The following EP300 variants were observed in gnomAD, a reference collection of about 807,000 sequenced individuals.
EP300 encodes EP300 lysine acetyltransferase, also known as histone acetyltransferase p300.
Under a neutral mutation model 264.0 loss-of-function variants are expected in EP300, and 31 were observed. The observed-to-expected ratio is 0.12, with a 90% CI of 0.09 to 0.16. EP300 has a LOEUF of 0.16. EP300 is among the 10% of genes least tolerant of loss of function. The pLI, the probability that EP300 is intolerant of heterozygous loss-of-function variation, is 1.00. For synonymous variants in EP300, 1,340 were observed against 1,045.4 expected (o/e 1.28, Z -5.44); for missense variants, 2,766 against 3,052.9 (o/e 0.91, Z 2.21).
chr22:41,157,965 G>T (rs1474299945), intron 18 of EP300, among the ~76,000 whole-genome samples: 1 of 152,270 alleles, frequency 6.6e-6, no homozygotes. Flanking sequence ...CTCATCTGGA[G>T]TAGGGGCATT....
intron 19 of EP300, 115 bp from the exon 20 acceptor site, chr22:41,160,527 G>C (rs1328458520): frequency 2.3e-6 from 2 of 857,852 alleles, no homozygotes; most frequent in Admixed American, 3.8e-5. Context: ...TTGATGACCT[G>C]CTCTCTGCTC....
intron 27 of EP300, 93 bp downstream of exon 27, chr22:41,170,664 T>G (rs2059164541): frequency 7.6e-7 from 1 of 1,323,118 alleles, no homozygotes; most frequent in African/African-American, 1.6e-5. Flanking sequence ...TTTTTTTTTT[T>G]TTTTTTTTTT....
At chr22:41,140,002 T>G (rs1340511652) in intron 8 of EP300, 138 bp from the exon 9 acceptor site, 8 of 684,234 alleles carry the variant, frequency 1.2e-5, no homozygotes, top group Middle Eastern at 2.6e-4. Context: ...CACAAAAAGA[T>G]AATTTCATTT....
At chr22:41,169,355 C>T (rs1380383717) in intron 25 of EP300, 148 bp from the exon 26 acceptor site, 25 of 670,504 alleles carry the variant, frequency 3.7e-5, no homozygotes, top group South Asian at 2.8e-4. Context: ...ACGGCGGAGT[C>T]GCCTACCTGC....
chr22:41,152,246 A>G lies in EP300; in HGVS notation c.3038A>G (p.Glu1013Gly), dbSNP rs1234168115. The G allele has an allele frequency of 1.4e-5, 23 of 1,614,054 alleles. No individual in the cohort carries two copies. Among genetic ancestry groups the G allele is most frequent in the Non-Finnish European group, 1.9e-5 (23 of 1,180,036 alleles). ...EDCKMESTETEERSTELKTEI... is the reference protein window; with the variant it reads ...EDCKMESTETGERSTELKTEI... ...TGTAAAATGGAATCTACCGAAACAGAAGAGAGAAGCACTGAGTTAAAAACT... is the reference window on the plus strand; with the variant it reads ...TGTAAAATGGAATCTACCGAAACAGGAGAGAGAAGCACTGAGTTAAAAACT... The change falls in exon 16 of 31, where the codon GAA (glutamate) becomes GGA (glycine). Residue 1013 changes from glutamate to glycine, a missense_variant. Coordinates refer to ENST00000263253, the MANE Select transcript of EP300 (RefSeq NM_001429.4).
chr22:41,096,366 C>T (rs141396694), intron 1 of EP300, among the ~76,000 whole-genome samples: 12 of 152,076 alleles, frequency 7.9e-5, no homozygotes, highest in African/African-American at 1.2e-4. Context: ...CGCTTAATGC[C>T]GTATGCACTT....
rs2145513402 is a variant in EP300, at chr22:41,176,433, G to C, written c.4966G>C (p.Val1656Leu). The C allele has an allele frequency of 6.2e-7, 1 of 1,614,222 alleles. No individual in the cohort carries two copies. The highest frequency in any genetic ancestry group is 1.1e-5 in the South Asian group (1 of 91,088). ...CCAGTGGTCCACCATGTGCATGCTG[G>C]TGGAGCTGCACACGCAGAGCCAGGA... is the stretch of plus-strand genomic sequence containing the variant. ...RAQWSTMCML[V>L]ELHTQSQDRF... is the part of the protein sequence containing the mutation. The change falls in exon 30 of 31, where the codon GTG becomes CTG. Residue 1656 changes from valine to leucine, a missense_variant. Physicochemically the swap from Val to Leu is conservative, Grantham distance 32. Coordinates refer to ENST00000263253, the MANE Select transcript of EP300 (RefSeq NM_001429.4).
chr22:41,147,758 A>T, intron 11 of EP300, 79 bp from the exon 12 acceptor site: 2 of 1,056,272 alleles, frequency 1.9e-6, no homozygotes, highest in South Asian at 1.3e-5. Context: ...AAAGATACAG[A>T]ATCAGACATA....
At chr22:41,175,342 G>T (rs2059194158) in intron 29 of EP300, among the ~76,000 whole-genome samples, 1 of 152,176 alleles carries the variant, frequency 6.6e-6, no homozygotes, top group East Asian at 1.9e-4. Context: ...TTTCTCACAA[G>T]TTCCTAATTT....
In EP300 at chr22:41,103,270, G is replaced by A. The variant is rs191324055; in HGVS notation, c.94+10172G>A. 6.6e-5 allele frequency among the ~76,000 whole-genome samples: 10 copies of A among 152,298 alleles called. No homozygotes were observed. The East Asian group carries it at 1.9e-3, about 29-fold the overall frequency. The stretch of plus-strand genomic sequence containing the variant: ...ATTTTGAAGTTGGTGGTTCTTCTGA[G>A]TTGAGCAGTCAGTCACTCTTCATTT... On this transcript the variant is annotated intron_variant, in intron 1 of 30. Coordinates refer to ENST00000263253, the MANE Select transcript of EP300 (RefSeq NM_001429.4).
chr22:41,179,094 G>GT lies in EP300; in HGVS notation c.*141dup, dbSNP rs977822118. On this transcript the variant is annotated 3_prime_UTR_variant, in exon 31 of 31. Coordinates refer to ENST00000263253, the MANE Select transcript of EP300 (RefSeq NM_001429.4). ...AACACATAAGAACTGTGCAGTAGCC[G>GT]TTTGTGGTTTAAAGCAAACATGCAA... is the stretch of plus-strand genomic sequence containing the variant. 20 of 963,334 alleles carry GT rather than the reference G, an allele frequency of 2.1e-5. No homozygotes were observed. The Admixed American group carries it at 3.3e-4, about 16-fold the overall frequency. The allele number at this position is 963,334 out of a possible 1,614,324, so 59.7% of individuals were successfully genotyped here. A position where few individuals can be genotyped will look rare whatever the true frequency, so the allele number is the denominator to read the frequency against.
chr22:41,118,363 A>G (rs1192230802), intron 2 of EP300, among the ~76,000 whole-genome samples: 1 of 152,238 alleles, frequency 6.6e-6, no homozygotes, highest in East Asian at 1.9e-4. Context: ...TAACTAGAGA[A>G]TGCTAAGTAT....
In EP300 at chr22:41,179,197, G is replaced by T. The variant is rs566086251; in HGVS notation, c.*241G>T. 1 of 553,916 alleles carries T rather than the reference G, an allele frequency of 1.8e-6. No individual in the cohort carries two copies. The highest frequency in any genetic ancestry group is 2.1e-5 in the South Asian group (1 of 47,436). The allele number at this position is 553,916 out of a possible 1,614,324, so 34.3% of individuals were successfully genotyped here. A position where few individuals can be genotyped will look rare whatever the true frequency, so the allele number is the denominator to read the frequency against. On this transcript the variant is annotated 3_prime_UTR_variant, in exon 31 of 31. Transcript: ENST00000263253. ...TTACCACCAGCCTTTCTTCCCCTTT[G>T]TGTGTGTGGTTCAAGTGTGCACTGG... is the stretch of plus-strand genomic sequence containing the variant.
At position 41,117,219 on chromosome 22, in the gene EP300, T is replaced by C; in HGVS notation, c.127T>C (p.Leu43=). The C allele has an allele frequency of 6.2e-7, 1 of 1,614,232 alleles. No homozygotes were observed. The highest frequency in any genetic ancestry group is 8.5e-7 in the Non-Finnish European group (1 of 1,180,042). Residue 43 remains leucine (L), a synonymous_variant, in exon 2 of 31, where the codon TTA becomes CTA. Coordinates refer to ENST00000263253, the MANE Select transcript of EP300 (RefSeq NM_001429.4). ...CTCTCTATTTGACTTGGAGCACGAC[T>C]TACCAGATGAATTAATCAACTCTAC... The part of the protein sequence containing the change: ...FGSLFDLEHD[L]PDELINSTEL...
intron 1 of EP300, among the ~76,000 whole-genome samples, chr22:41,114,832 A>G (rs2058812395): frequency 6.6e-6 from 1 of 151,830 alleles, no homozygotes; most frequent in Non-Finnish European, 1.5e-5. Flanking sequence ...AAGAAAAAAA[A>G]AAACTACAAG....
intron 14 of EP300, among the ~76,000 whole-genome samples, chr22:41,150,504 A>G (rs993074620): frequency 4.6e-5 from 7 of 152,276 alleles, no homozygotes; most frequent in Non-Finnish European, 8.8e-5. Flanking sequence ...CTTATTTAGT[A>G]TATTATTTAG....
rs2058908321 is a variant in EP300 at position 41,130,013 on chromosome 22, G to A, written c.1282+10G>A. On this transcript the variant is annotated intron_variant, in intron 5 of 30. Coordinates refer to ENST00000263253, the MANE Select transcript of EP300 (RefSeq NM_001429.4). ...AAGAGAAATCAACAGCGTAAGTGAT[G>A]AAATCTTTTGAAGGTTTATATGAAA... 2 of 1,597,470 alleles carry A rather than the reference G, an allele frequency of 1.3e-6. No homozygotes were observed. Among genetic ancestry groups the A allele is most frequent in the Non-Finnish European group, 1.7e-6 (2 of 1,165,390 alleles).
chr22:41,148,211 G>A (rs1431086942), intron 12 of EP300, among the ~76,000 whole-genome samples: 1 of 152,100 alleles, frequency 6.6e-6, no homozygotes, highest in Non-Finnish European at 1.5e-5. Flanking sequence ...CCCTCCTCCA[G>A]GCAGAGAACT....
rs372409067 is a variant in EP300 at position 41,117,634 on chromosome 22, G to A, written c.542G>A (p.Gly181Asp). 6.2e-7 allele frequency: 1 copy of A among 1,614,080 alleles called. No homozygotes were observed. The highest frequency in any genetic ancestry group is 1.3e-5 in the African/African-American group (1 of 74,934). ...ATGAATCCTGGAATGTTGGCTGCAG[G>A]CAATGGACAAGGGATAATGCCTAAT... ...AGMNPGMLAAGNGQGIMPNQV... is the reference protein window; with the variant it reads ...AGMNPGMLAADNGQGIMPNQV... Residue 181 changes from glycine to aspartate, a missense_variant, in exon 2 of 31, where the codon GGC (glycine) becomes GAC (aspartate). By Grantham distance (94) the Gly-to-Asp change is moderately conservative (BLOSUM62 -1). Coordinates refer to ENST00000263253, the MANE Select transcript of EP300 (RefSeq NM_001429.4).
Sources: gnomAD v4.1 joint callset for allele counts (sites outside exome capture counted in the v4.1 genomes callset) on GRCh38, gnomAD v4.1.1 for gene constraint, MANE v1.5 for transcripts, NCBI Gene and HGNC (gene_info 2026-07-23, HGNC 2026-07-21) for gene names.